The following HUNK variants were observed in gnomAD, a reference collection of about 807,000 sequenced individuals.
HUNK encodes the protein hormonally up-regulated Neu-associated kinase.
HUNK carries 21 observed loss-of-function variants against 61.0 expected under a neutral mutation model. The observed-to-expected ratio is 0.34, with a 90% CI of 0.24 to 0.50. The LOEUF (loss-of-function observed/expected upper bound fraction) is 0.50, where lower values mean the gene tolerates loss of function less well. HUNK is among the 20% of genes least tolerant of loss of function. The pLI is 0.98. For synonymous variants in HUNK, 371 were observed against 386.1 expected (o/e 0.96, Z 0.46); for missense variants, 772 against 945.7 (o/e 0.82, Z 2.41).
intron 9 of HUNK, among the ~76,000 whole-genome samples, chr21:31,993,365 C>T (rs530243060): frequency 1.7e-4 from 26 of 152,268 alleles, no homozygotes; most frequent in South Asian, 6.2e-4. Context: ...AGACAGCCAC[C>T]GGCAGCTCTC....
intron 7 of HUNK, among the ~76,000 whole-genome samples, chr21:31,976,915 T>A (rs1046462387): frequency 9.9e-5 from 15 of 151,734 alleles, no homozygotes; most frequent in Admixed American, 2.6e-4. Flanking sequence ...GGACTACAGG[T>A]ACGCACCACC....
chr21:31,968,124 A>T, intron 5 of HUNK, 126 bp from the exon 6 acceptor site: 2 of 1,134,458 alleles, frequency 1.8e-6, no homozygotes, highest in Non-Finnish European at 2.6e-6. Flanking sequence ...AGACCTAGAG[A>T]AGAGATCACC....
At chr21:31,959,020 A>G (rs777337659) in intron 5 of HUNK, 50 bp downstream of exon 5, 10 of 1,480,524 alleles carry the variant, frequency 6.8e-6, no homozygotes, top group Middle Eastern at 1.8e-4. Context: ...TGTCGTGACC[A>G]GTTCGGGTCT....
intron 1 of HUNK, among the ~76,000 whole-genome samples, chr21:31,901,906 G>T (rs945506586): frequency 6.6e-6 from 1 of 152,038 alleles, no homozygotes; most frequent in Non-Finnish European, 1.5e-5. Flanking sequence ...CCTCAACCAG[G>T]TCATACCACC....
intron 2 of HUNK, among the ~76,000 whole-genome samples, chr21:31,934,857 GCATGGTATTC>G (rs1179603495): frequency 1.3e-5 from 2 of 152,076 alleles, no homozygotes; most frequent in Non-Finnish European, 2.9e-5. Flanking sequence ...TTTTATGGCT[GCATGGTATTC>G]CATGGTACAT....
intron 1 of HUNK, among the ~76,000 whole-genome samples, chr21:31,917,886 A>G (rs2052596888): frequency 6.6e-6 from 1 of 152,182 alleles, no homozygotes; most frequent in Non-Finnish European, 1.5e-5. Context: ...TGCCTGGAAC[A>G]TGCTAAACTT....
At position 31,884,469 on chromosome 21, in the gene HUNK, G is replaced by A. The variant is rs546303624; in HGVS notation, c.261+10534G>A. Among the ~76,000 whole-genome samples, 208 of 152,084 alleles carry A rather than the reference G, an allele frequency of 1.4e-3. 1 individual carries two copies. Among genetic ancestry groups the A allele is most frequent in the African/African-American group, 4.8e-3 (200 of 41,502 alleles). ...TAGCCAGGCGTGGTGGTGGGCACCT[G>A]TAATCCCAGCTACTTGGGAGGCTGA... On this transcript the variant is annotated intron_variant, in intron 1 of 10. Coordinates refer to ENST00000270112, the MANE Select transcript of HUNK (RefSeq NM_014586.2).
intron 1 of HUNK, among the ~76,000 whole-genome samples, chr21:31,891,417 A>T (rs1047612530): frequency 1.3e-5 from 2 of 152,222 alleles, no homozygotes; most frequent in Non-Finnish European, 2.9e-5. Flanking sequence ...TGGATTGCTT[A>T]TAGCTTGGCA....
chr21:31,957,817 TA>T (rs1339792016), intron 4 of HUNK, among the ~76,000 whole-genome samples: 1 of 152,010 alleles, frequency 6.6e-6, no homozygotes, highest in Admixed American at 6.6e-5. Flanking sequence ...CAATAAACAA[TA>T]AAAAAATCAG....
chr21:31,995,193 A>G (rs931749641), intron 9 of HUNK, among the ~76,000 whole-genome samples: 2 of 148,758 alleles, frequency 1.3e-5, no homozygotes, highest in Admixed American at 6.7e-5. Context: ...CTTCATACAC[A>G]CGTTCATACA....
intron 1 of HUNK, among the ~76,000 whole-genome samples, chr21:31,890,300 C>T (rs976298334): frequency 9.2e-5 from 14 of 152,008 alleles, no homozygotes; most frequent in African/African-American, 2.9e-4. Context: ...ACAGTCTCGG[C>T]TCGCTGCAAC....
At chr21:31,995,647 G>A in intron 9 of HUNK, 121 bp from the exon 10 acceptor site, 1 of 804,194 alleles carries the variant, frequency 1.2e-6, no homozygotes, top group Non-Finnish European at 2.0e-6. Flanking sequence ...ACACACAGTT[G>A]AGAGCATAGA....
At position 31,924,533 on chromosome 21, in the gene HUNK, G is replaced by A; in HGVS notation, c.327G>A (p.Arg109=). ...ACACCTATGTCACCAAAAACCTGCGGCGAGAGGGTCAGATCCAGCAGATGA... is the reference window on the plus strand; with the variant it reads ...ACACCTATGTCACCAAAAACCTGCGACGAGAGGGTCAGATCCAGCAGATGA... The part of the protein sequence containing the change: ...KKDTYVTKNL[R]REGQIQQMIR... The change falls in exon 2 of 11, where the codon CGG becomes CGA. Residue 109 remains arginine (R), a synonymous_variant. Transcript: ENST00000270112. The surrounding 1 kb of genome is among the most constrained non-coding windows in gnomAD (Gnocchi z 5.1). 6.2e-7 allele frequency: 1 copy of A among 1,614,158 alleles called. No homozygotes were observed. Among genetic ancestry groups the A allele is most frequent in the Non-Finnish European group, 8.5e-7 (1 of 1,180,022 alleles).
chr21:31,874,076 G>A (rs1366432019), intron 1 of HUNK, 141 bp downstream of exon 1: 2 of 574,478 alleles, frequency 3.5e-6, no homozygotes, highest in East Asian at 3.5e-5. Flanking sequence ...TTCCTGTTGG[G>A]TTAAAACGCG....
intron 1 of HUNK, among the ~76,000 whole-genome samples, chr21:31,886,701 C>T (rs1320106730): frequency 6.6e-6 from 1 of 151,622 alleles, no homozygotes; most frequent in Non-Finnish European, 1.5e-5. Context: ...CTCTTGTTGC[C>T]CAGGCTGGAT....
chr21:31,899,348 C>G (rs1437195489), intron 1 of HUNK, among the ~76,000 whole-genome samples: 3 of 152,156 alleles, frequency 2.0e-5, no homozygotes, highest in South Asian at 2.1e-4. Context: ...CTTCCTAGCT[C>G]TGGTGGTTGC....
chr21:31,977,776 C>T (rs528937782), intron 7 of HUNK, among the ~76,000 whole-genome samples: 3 of 152,362 alleles, frequency 2.0e-5, no homozygotes, highest in East Asian at 1.9e-4. Context: ...ACTGGAGCCT[C>T]GACTTCCTGG....
chr21:31,938,753 T>G (rs903691300), intron 2 of HUNK, among the ~76,000 whole-genome samples: 3 of 152,024 alleles, frequency 2.0e-5, no homozygotes, highest in African/African-American at 7.3e-5. Flanking sequence ...ATGTGTGTGT[T>G]TGTGTGTGTC....
intron 4 of HUNK, among the ~76,000 whole-genome samples, chr21:31,948,336 C>G (rs1054106674): frequency 1.3e-5 from 2 of 152,222 alleles, no homozygotes; most frequent in Non-Finnish European, 2.9e-5. Context: ...CTTACATGCA[C>G]AGTTCCTTCG....
Sources: allele counts gnomAD v4.1 joint callset (sites outside exome capture counted in the v4.1 genomes callset), GRCh38; gene constraint gnomAD v4.1.1; non-coding constraint Gnocchi (gnomAD v3.1); transcripts MANE v1.5; gene names NCBI Gene and HGNC (gene_info 2026-07-23, HGNC 2026-07-21).